Variants in DNAH11 observed in about 807,000 individuals in gnomAD.
DNAH11 encodes the protein axonemal beta dynein heavy chain 11.
A neutral mutation model predicts 526.0 loss-of-function variants in DNAH11; 442 were observed. That is an observed-to-expected ratio of 0.84 (90% confidence interval 0.78 to 0.91). The LOEUF is 0.91. DNAH11 is among the 40% of genes least tolerant of loss of function. DNAH11 has a pLI of 0.00. For missense variants in DNAH11, 6,989 were observed against 5,448.7 expected (o/e 1.28, Z -8.90); for synonymous variants, 2,461 against 1,935.9 (o/e 1.27, Z -7.12).
intron 2 of DNAH11, among the ~76,000 whole-genome samples, chr7:21,550,518 T>C (rs757265668): frequency 5.9e-5 from 9 of 152,152 alleles, no homozygotes; most frequent in Non-Finnish European, 5.9e-5. Context: ...TTGGGGCTGT[T>C]CTAATCCTAA....
rs575460056 is a variant in DNAH11 at position 21,757,982 on chromosome 7, G to A, written c.8941-7446G>A. On this transcript the variant is annotated intron_variant, in intron 54 of 81. Coordinates refer to ENST00000409508, the MANE Select transcript of DNAH11 (RefSeq NM_001277115.2). ...CTTCAAACCTACCTCTGGCTGAGGAGCAGAACGTTTGGCTTCTTTCTCTTA... is the reference window on the plus strand; with the variant it reads ...CTTCAAACCTACCTCTGGCTGAGGAACAGAACGTTTGGCTTCTTTCTCTTA... Among the ~76,000 whole-genome samples, 6 of 152,352 alleles carry A rather than the reference G, an allele frequency of 3.9e-5. No individual in the cohort carries two copies. The East Asian group carries it at 9.6e-4, about 24-fold the overall frequency.
intron 5 of DNAH11, 32 bp from the exon 6 acceptor site, chr7:21,564,150 ACCAG>A (rs759422240): frequency 8.9e-6 from 13 of 1,461,066 alleles, no homozygotes; most frequent in Admixed American, 7.0e-5. Context: ...AAAAAAACAA[ACCAG>A]AATCACGTTA....
At chr7:21,763,353 A>AG (rs1262115470) in intron 54 of DNAH11, among the ~76,000 whole-genome samples, 1 of 56,964 alleles carries the variant, frequency 1.8e-5, no homozygotes, top group Non-Finnish European at 2.8e-5. Flanking sequence ...AAAAAAAAAA[A>AG]AAAGAAAAAA....
chr7:21,900,847 T>A (rs62445900), intron 81 of DNAH11, 160 bp from the exon 82 acceptor site: 1 of 1,248,500 alleles, frequency 8.0e-7, no homozygotes, highest in Non-Finnish European at 1.1e-6. Flanking sequence ...GTAACCTACC[T>A]TTCAAAGCTC....
At chr7:21,617,908 T>G in intron 23 of DNAH11, 131 bp downstream of exon 23, 3 of 1,029,978 alleles carry the variant, frequency 2.9e-6, no homozygotes, top group Non-Finnish European at 4.0e-6. Flanking sequence ...TGCTGTGTTA[T>G]GCCTTTTTGC....
chr7:21,691,917 T>G (rs938824044), intron 35 of DNAH11, among the ~76,000 whole-genome samples: 1 of 152,230 alleles, frequency 6.6e-6, no homozygotes, highest in Non-Finnish European at 1.5e-5. Context: ...AGAATAGATT[T>G]CTAAATGTAG....
rs146985110 is a variant in DNAH11 at position 21,838,661 on chromosome 7, G to A, written c.10692-3883G>A. 3.4e-3 allele frequency among the ~76,000 whole-genome samples: 510 copies of A among 152,032 alleles called. 2 individuals carry two copies. Among genetic ancestry groups the A allele is most frequent in the African/African-American group, 0.012 (482 of 41,488 alleles). On this transcript the variant is annotated intron_variant, in intron 65 of 81. Transcript: ENST00000409508. ...CCATTCTATGGCCAAATATTAGGTC[G>A]GTGCAAAAGTAATTGTGGGTTTTTC... is the stretch of plus-strand genomic sequence containing the variant.
intron 65 of DNAH11, among the ~76,000 whole-genome samples, chr7:21,835,878 A>AC (rs1333069904): frequency 6.6e-6 from 1 of 151,940 alleles, no homozygotes; most frequent in East Asian, 1.9e-4. Context: ...CAAAAAAAAA[A>AC]AAAACCGTTA....
At position 21,744,903 on chromosome 7, in the gene DNAH11, C is replaced by G; in HGVS notation, c.8350C>G (p.Leu2784Val). Residue 2784 changes from leucine to valine, a missense_variant, in exon 51 of 82, where the codon CTC becomes GTC. Coordinates refer to ENST00000409508, the MANE Select transcript of DNAH11 (RefSeq NM_001277115.2). ...TAGTCACATGCTGCTTCAACAGCCCCTCATTTATTGCCACTTTGCTGATAG... is the reference window on the plus strand; with the variant it reads ...TAGTCACATGCTGCTTCAACAGCCCGTCATTTATTGCCACTTTGCTGATAG... Reference protein sequence around the residue: ...IDSHMLLQQPLIYCHFADRGK... With the variant: ...IDSHMLLQQPVIYCHFADRGK... 1 of 1,610,982 alleles carries G rather than the reference C, an allele frequency of 6.2e-7. No homozygotes were observed. The highest frequency in any genetic ancestry group is 8.5e-7 in the Non-Finnish European group (1 of 1,178,634).
rs188817422 is a variant in DNAH11 at position 21,612,371 on chromosome 7, C to T, written c.3853-2743C>T. 6.4e-3 allele frequency among the ~76,000 whole-genome samples: 977 copies of T among 151,732 alleles called. 3 individuals carry two copies. The highest frequency in any genetic ancestry group is 0.01 in the Middle Eastern group (3 of 294). Reference sequence around the variant, plus strand: ...GAGATCGAGACCATCCTGGCTAATACGGTGAAACCCTGTCTCTACTAAAAA... The same window carrying T: ...GAGATCGAGACCATCCTGGCTAATATGGTGAAACCCTGTCTCTACTAAAAA... On this transcript the variant is annotated intron_variant, in intron 20 of 81. Transcript: ENST00000409508.
intron 54 of DNAH11, among the ~76,000 whole-genome samples, chr7:21,752,521 C>T (rs1358524232): frequency 6.6e-6 from 1 of 151,966 alleles, no homozygotes; most frequent in Non-Finnish European, 1.5e-5. Context: ...GTATATTTTT[C>T]CTATTCTTTT....
At chr7:21,869,549 C>G (rs923630877) in intron 73 of DNAH11, among the ~76,000 whole-genome samples, 1 of 152,098 alleles carries the variant, frequency 6.6e-6, no homozygotes, top group African/African-American at 2.4e-5. Flanking sequence ...ACACCCCAAC[C>G]TCACAGATTG....
Position 21,653,732 on chromosome 7 carries a change from C to G in DNAH11, c.4945-2100C>G, listed in dbSNP as rs141963950. ...TGTGATCAGGCAGCTACCGCTCTAT[C>G]TGTGTTTAAAGTAAGCGAGAGTCTC... On this transcript the variant is annotated intron_variant, in intron 28 of 81. Coordinates refer to ENST00000409508, the MANE Select transcript of DNAH11 (RefSeq NM_001277115.2). Among the ~76,000 whole-genome samples, 3 of 152,278 alleles carry G rather than the reference C, an allele frequency of 2.0e-5. No individual in the cohort carries two copies. In the East Asian group the frequency reaches 5.8e-4, roughly 29 times the overall value.
At chr7:21,705,752 G>A (rs1056150664) in intron 39 of DNAH11, among the ~76,000 whole-genome samples, 3 of 152,090 alleles carry the variant, frequency 2.0e-5, no homozygotes, top group African/African-American at 7.2e-5. Flanking sequence ...ACAAATAGAG[G>A]ATTGCATTCA....
intron 27 of DNAH11, among the ~76,000 whole-genome samples, chr7:21,638,399 G>C (rs1031089318): frequency 2.6e-5 from 4 of 152,116 alleles, no homozygotes; most frequent in African/African-American, 9.7e-5. Context: ...GGGGCTTTGG[G>C]GCTCGGGCTC....
intron 53 of DNAH11, 39 bp downstream of exon 53, chr7:21,749,840 A>G (rs568676809): frequency 5.0e-5 from 80 of 1,610,412 alleles, no homozygotes; most frequent in African/African-American, 1.3e-4. Context: ...ATCTTCCCCA[A>G]TGACAAATTA....
intron 79 of DNAH11, among the ~76,000 whole-genome samples, chr7:21,897,662 C>T (rs1253603902): frequency 2.0e-5 from 3 of 152,080 alleles, no homozygotes; most frequent in Non-Finnish European, 4.4e-5. Flanking sequence ...GTTGCCTAGG[C>T]TGGAGTGCAG....
chr7:21,787,873 T>C (rs1054622367), intron 60 of DNAH11, among the ~76,000 whole-genome samples: 1 of 152,230 alleles, frequency 6.6e-6, no homozygotes, highest in Non-Finnish European at 1.5e-5. Flanking sequence ...TACATTTAAA[T>C]ATTTAATTCA....
In DNAH11 at chr7:21,880,622, C is replaced by T. The variant is rs527808323; in HGVS notation, c.12196-80C>T. 46 of 1,483,708 alleles carry T rather than the reference C, an allele frequency of 3.1e-5. No individual in the cohort carries two copies. The African/African-American group carries it at 5.2e-4, about 17-fold the overall frequency. 91.9% of individuals were successfully genotyped at this position (1,483,708 alleles called of 1,614,324 possible). ...AGTATCTCACTCTCAAAGTTCTTTA[C>T]AAGATTATTGAAAACGCAGACCCTT... On this transcript the variant is annotated intron_variant, in intron 74 of 81. Coordinates refer to ENST00000409508, the MANE Select transcript of DNAH11 (RefSeq NM_001277115.2).
Sources: allele counts gnomAD v4.1 joint callset (sites outside exome capture counted in the v4.1 genomes callset), GRCh38; gene constraint gnomAD v4.1.1; transcripts MANE v1.5; gene names NCBI Gene and HGNC (gene_info 2026-07-23, HGNC 2026-07-21).